The following EYS variants were observed in gnomAD, a reference collection of about 807,000 sequenced individuals.
The protein encoded by EYS is EGF-like photoreceptor maintenance factor, also known as protein eyes shut homolog.
A neutral mutation model predicts 282.1 loss-of-function variants in EYS; 250 were observed. The observed-to-expected ratio is 0.89, with a 90% CI of 0.80 to 0.98. The LOEUF is 0.98. Ranked by LOEUF, EYS falls within the 50% of genes least tolerant of loss-of-function variation. The pLI, the probability that EYS is intolerant of heterozygous loss-of-function variation, is 0.00. For synonymous variants in EYS, 1,355 were observed against 1,282.9 expected (o/e 1.06, Z -1.20); for missense variants, 4,016 against 3,709.0 (o/e 1.08, Z -2.15).
chr6:64,746,556 C>T (rs1772561836), intron 22 of EYS, among the ~76,000 whole-genome samples: 1 of 152,054 alleles, frequency 6.6e-6, no homozygotes, highest in African/African-American at 2.4e-5. Context: ...TACAGTAACA[C>T]ATTTATGTGT....
intron 12 of EYS, among the ~76,000 whole-genome samples, chr6:65,135,792 G>T (rs1776008398): frequency 6.6e-6 from 1 of 151,828 alleles, no homozygotes; most frequent in African/African-American, 2.4e-5. Context: ...GATTTGATTT[G>T]ATTATACATA....
chr6:65,348,655 T>C (rs189198709), intron 9 of EYS, among the ~76,000 whole-genome samples: 203 of 151,850 alleles, frequency 1.3e-3, no homozygotes, highest in Non-Finnish European at 2.1e-3. Context: ...GCAAATATGA[T>C]ATACCATTCT....
intron 35 of EYS, among the ~76,000 whole-genome samples, chr6:63,955,393 G>T (rs1023857935): frequency 3.3e-5 from 5 of 152,242 alleles, no homozygotes; most frequent in Middle Eastern, 3.4e-3. Context: ...GTGGATTAAA[G>T]ATCTTCAGTG....
chr6:65,117,930 CAGA>C (rs371721853), intron 12 of EYS, among the ~76,000 whole-genome samples: 9 of 152,094 alleles, frequency 5.9e-5, no homozygotes, highest in African/African-American at 2.2e-4. Context: ...CATCTAGAGG[CAGA>C]AGGAGGCAAA....
At chr6:64,727,977 C>T (rs1445949380) in intron 22 of EYS, among the ~76,000 whole-genome samples, 2 of 152,182 alleles carry the variant, frequency 1.3e-5, no homozygotes, top group Non-Finnish European at 2.9e-5. Flanking sequence ...GGAAATTTCC[C>T]TGACCCCTTC....
intron 19 of EYS, among the ~76,000 whole-genome samples, chr6:64,830,629 A>T (rs1765185228): frequency 5.3e-5 from 8 of 151,926 alleles, no homozygotes. Flanking sequence ...ACCAAGATCA[A>T]CTTTGGTGAC....
intron 5 of EYS, among the ~76,000 whole-genome samples, chr6:65,474,838 A>G (rs972695126): frequency 6.6e-6 from 1 of 152,094 alleles, no homozygotes; most frequent in Non-Finnish European, 1.5e-5. Flanking sequence ...AAGATGAAAG[A>G]GCACTAAGAA....
chr6:64,100,978 A>G (rs931134573), intron 31 of EYS, among the ~76,000 whole-genome samples: 1 of 152,160 alleles, frequency 6.6e-6, no homozygotes, highest in East Asian at 1.9e-4. Flanking sequence ...TTCAGGCACA[A>G]AGATCTTTTT....
chr6:64,898,532 A>G (rs1301940053), intron 18 of EYS, among the ~76,000 whole-genome samples: 1 of 152,032 alleles, frequency 6.6e-6, no homozygotes, highest in Non-Finnish European at 1.5e-5. Context: ...CACTACGAAG[A>G]AACTGCATCA....
intron 22 of EYS, among the ~76,000 whole-genome samples, chr6:64,792,774 A>G (rs543957023): frequency 8.4e-4 from 127 of 151,904 alleles, no homozygotes; most frequent in African/African-American, 3.0e-3. Flanking sequence ...AGGGTTTCCA[A>G]AGGAGGATTC....
At chr6:64,679,040 C>G (rs1486365624) in intron 22 of EYS, among the ~76,000 whole-genome samples, 1 of 151,440 alleles carries the variant, frequency 6.6e-6, no homozygotes, top group Non-Finnish European at 1.5e-5. Flanking sequence ...TATACACTTA[C>G]ATAATTTAAA....
intron 22 of EYS, among the ~76,000 whole-genome samples, chr6:64,672,104 G>C (rs1295848861): frequency 6.6e-6 from 1 of 152,126 alleles, no homozygotes; most frequent in Non-Finnish European, 1.5e-5. Context: ...TTTCGTAGCT[G>C]TGTCTTCCAG....
At chr6:65,077,680 T>C (rs1158212824) in intron 12 of EYS, among the ~76,000 whole-genome samples, 5 of 152,074 alleles carry the variant, frequency 3.3e-5, no homozygotes, top group Admixed American at 2.6e-4. Context: ...TTTGATGAGA[T>C]TGTATTCATT....
rs114304255 is a variant in EYS, at chr6:63,988,972, T to A, written c.6835-4369A>T. Among the ~76,000 whole-genome samples, 558 of 151,758 alleles carry A rather than the reference T, an allele frequency of 3.7e-3. 5 individuals carry two copies. Among genetic ancestry groups the A allele is most frequent in the African/African-American group, 0.013 (534 of 41,498 alleles). ...AGGGTAGATAAGAAGCTGTCCTATT[T>A]ATTTTTTGTTTTGTTTTAATTTAAA... On this transcript the variant is annotated intron_variant, in intron 34 of 42. Coordinates refer to ENST00000503581, the MANE Select transcript of EYS (RefSeq NM_001142800.2).
intron 19 of EYS, among the ~76,000 whole-genome samples, chr6:64,837,425 G>A (rs182518022): frequency 4.0e-5 from 6 of 151,376 alleles, no homozygotes; most frequent in African/African-American, 1.4e-4. Flanking sequence ...GAAACAAGAT[G>A]AGAATGTCCA....
At chr6:63,904,035 G>T (rs1773717548) in intron 35 of EYS, among the ~76,000 whole-genome samples, 1 of 152,186 alleles carries the variant, frequency 6.6e-6, no homozygotes, top group South Asian at 2.1e-4. Context: ...CGTTGCTCCA[G>T]TCTTATCCAC....
At position 64,917,248 on chromosome 6, in the gene EYS, C is replaced by CAA. The variant is rs11435902; in HGVS notation, c.2382-4507_2382-4506dup. On this transcript the variant is annotated intron_variant, in intron 15 of 42. Coordinates refer to ENST00000503581, the MANE Select transcript of EYS (RefSeq NM_001142800.2). ...TGGGTGACAGAGCGAGACTTAGTCT[C>CAA]AAAAAAAAAAAAAACAAAATTCACT... 2.8e-3 allele frequency among the ~76,000 whole-genome samples: 383 copies of CAA among 136,458 alleles called. 1 individual carries two copies. Among genetic ancestry groups the CAA allele is most frequent in the South Asian group, 5.4e-3 (23 of 4,224 alleles). The allele number at this position is 136,458 out of a possible 152,430, so 89.5% of individuals were successfully genotyped here. A position where few individuals can be genotyped will look rare whatever the true frequency, so the allele number is the denominator to read the frequency against.
At chr6:64,577,401 C>A (rs1433705762) in intron 26 of EYS, among the ~76,000 whole-genome samples, 1 of 151,956 alleles carries the variant, frequency 6.6e-6, no homozygotes, top group Non-Finnish European at 1.5e-5. Context: ...ATTTTCTAAT[C>A]ATTACCTCTG....
intron 16 of EYS, among the ~76,000 whole-genome samples, 168 bp downstream of exon 16, chr6:64,912,316 T>C (rs1196129238): frequency 2.6e-5 from 4 of 152,124 alleles, no homozygotes; most frequent in Non-Finnish European, 4.4e-5. Flanking sequence ...TTGGTGCATT[T>C]CTCTAATACA....
Sources: allele counts gnomAD v4.1 joint callset (sites outside exome capture counted in the v4.1 genomes callset), GRCh38; gene constraint gnomAD v4.1.1; transcripts MANE v1.5; gene names NCBI Gene and HGNC (gene_info 2026-07-23, HGNC 2026-07-21).